Variants in ZNF577 observed in about 807,000 individuals in gnomAD.
ZNF577 encodes zinc finger protein 577.
Under a neutral mutation model 13.9 loss-of-function variants are expected in ZNF577, and 14 were observed. The observed-to-expected ratio is 1.00, with a 90% confidence interval of 0.66 to 1.57. The LOEUF is 1.57. ZNF577 is among the 40% of genes most tolerant of loss of function. ZNF577 has a pLI of 0.00. For missense variants in ZNF577, 555 were observed against 579.2 expected (o/e 0.96, Z 0.43); for synonymous variants, 203 against 202.9 (o/e 1.00, Z 0.00).
At chr19:51,806,664 G>A (rs2084060903) in intron 10 of ZNF577, among the ~76,000 whole-genome samples, 1 of 152,228 alleles carries the variant, frequency 6.6e-6, no homozygotes, top group Non-Finnish European at 1.5e-5. Context: ...TGAAAAGCAT[G>A]ACTAGTATAA....
intron 5 of ZNF577, among the ~76,000 whole-genome samples, chr19:51,856,282 C>G (rs1431114211): frequency 1.3e-5 from 2 of 152,064 alleles, no homozygotes; most frequent in Non-Finnish European, 2.9e-5. Context: ...AATGGTTTAC[C>G]ATGGGTTATA....
chr19:51,826,361 C>T (rs1427464093), intron 9 of ZNF577, among the ~76,000 whole-genome samples: 4 of 152,192 alleles, frequency 2.6e-5, no homozygotes, highest in Admixed American at 6.6e-5. Flanking sequence ...ATTCTATCCT[C>T]GGGTATTATA....
intron 9 of ZNF577, among the ~76,000 whole-genome samples, chr19:51,826,768 CAGG>C (rs2084234270): frequency 6.6e-6 from 1 of 152,094 alleles, no homozygotes. Context: ...GTTTGGTGGG[CAGG>C]AGACTAGGGA....
intron 5 of ZNF577, among the ~76,000 whole-genome samples, chr19:51,847,957 G>A (rs980229004): frequency 2.6e-5 from 4 of 152,248 alleles, no homozygotes; most frequent in East Asian, 1.9e-4. Flanking sequence ...CGCGGATCCC[G>A]GTCCCACCAG....
chr19:51,847,712 A>G (rs988702264), intron 5 of ZNF577, among the ~76,000 whole-genome samples: 1 of 152,148 alleles, frequency 6.6e-6, no homozygotes, highest in Non-Finnish European at 1.5e-5. Context: ...GCAACCCCAG[A>G]TGGTACTCAT....
intron 5 of ZNF577, chr19:51,860,870 CAAAG>C (rs2084490296): frequency 7.8e-6 from 3 of 383,242 alleles, no homozygotes; most frequent in Admixed American, 8.3e-5. Context: ...ACAAGATATT[CAAAG>C]AGTTTTGACT....
At chr19:51,809,146 T>C (rs892847703) in intron 10 of ZNF577, among the ~76,000 whole-genome samples, 21 of 152,264 alleles carry the variant, frequency 1.4e-4, no homozygotes, top group Non-Finnish European at 2.9e-5. Context: ...AAGTTTTCAT[T>C]TGTAAGTCTC....
At chr19:51,806,573 GC>G (rs1281977242) in intron 10 of ZNF577, among the ~76,000 whole-genome samples, 1 of 152,172 alleles carries the variant, frequency 6.6e-6, no homozygotes, top group Non-Finnish European at 1.5e-5. Flanking sequence ...TGTTTGATGT[GC>G]CCATTCTATA....
chr19:51,825,512 G>C (rs1455530650), intron 9 of ZNF577: 1 of 167,090 alleles, frequency 6.0e-6, no homozygotes, highest in Non-Finnish European at 1.5e-5. Context: ...TAGATGAAAG[G>C]AAAGGAGAGA....
Position 51,878,517 on chromosome 19 carries a change from T to C in ZNF577, c.61-2A>G. ...CACATCTTCGAATGACAATGACCCC[T>C]ATAATAACAATTCCAATGCAATCTG... On this transcript the variant is annotated splice_acceptor_variant, in intron 3 of 5. Coordinates refer to ENST00000638348, the MANE Select transcript of ZNF577 (RefSeq NM_001370449.1). LOFTEE classifies it high-confidence loss of function. 6.2e-7 allele frequency: 1 copy of C among 1,613,876 alleles called. No homozygotes were observed. Among genetic ancestry groups the C allele is most frequent in the Non-Finnish European group, 8.5e-7 (1 of 1,179,844 alleles).
intron 10 of ZNF577, among the ~76,000 whole-genome samples, chr19:51,810,801 C>T (rs1224832809): frequency 6.6e-6 from 1 of 152,170 alleles, no homozygotes; most frequent in African/African-American, 2.4e-5. Flanking sequence ...GCTTTTAATT[C>T]CTTCAACAAC....
intron 9 of ZNF577, chr19:51,825,100 T>C (rs933697110): frequency 6.5e-6 from 2 of 306,354 alleles, no homozygotes; most frequent in African/African-American, 4.4e-5. Context: ...AAGTCACAAA[T>C]CCAGGCTTCT....
At chr19:51,846,456 C>T (rs1004241101) in intron 5 of ZNF577, among the ~76,000 whole-genome samples, 2 of 152,038 alleles carry the variant, frequency 1.3e-5, no homozygotes, top group South Asian at 2.1e-4. Flanking sequence ...ACCTGTAATG[C>T]CAACTCTTTG....
intron 9 of ZNF577, among the ~76,000 whole-genome samples, chr19:51,837,905 T>C (rs2084296862): frequency 6.6e-6 from 1 of 152,198 alleles, no homozygotes; most frequent in Admixed American, 6.5e-5. Context: ...TATGACTAAG[T>C]TGCATTTATT....
rs201874318 is a variant in ZNF577 at position 51,835,703 on chromosome 19, C to CT, written c.*599+4189dup. On this transcript the variant is annotated intron_variant and NMD_transcript_variant, in intron 9 of 10. Transcript: ENST00000638827. ...GGCCAGACATAACTGAAATCAGTAT[C>CT]TTTTTTTTTGAGACAGTCTTGCTCT... 2.9e-3 allele frequency among the ~76,000 whole-genome samples: 441 copies of CT among 151,400 alleles called. 3 individuals carry two copies. The highest frequency in any genetic ancestry group is 9.8e-3 in the African/African-American group (405 of 41,318).
chr19:51,886,014 T>G (rs1041219753), intron 1 of ZNF577: 2 of 152,090 alleles, frequency 1.3e-5, no homozygotes, highest in African/African-American at 4.8e-5. Flanking sequence ...ACAAAAATAT[T>G]AAGCAAAAGA....
Position 51,824,512 on chromosome 19 carries a change from T to C in ZNF577, c.*600-12838A>G, listed in dbSNP as rs1441916312. ...GTGGCTTCTTTCTTCATCTGTTGGT[T>C]CCCTTATGAACTAATTGGCATTCTA... On this transcript the variant is annotated intron_variant and NMD_transcript_variant, in intron 9 of 10. Transcript: ENST00000638827. The surrounding 1 kb of genome is among the most constrained non-coding windows in gnomAD (Gnocchi z 4.7). The C allele has an allele frequency of 1.2e-6, 2 of 1,614,066 alleles. No homozygotes were observed. Among genetic ancestry groups the C allele is most frequent in the South Asian group, 2.2e-5 (2 of 91,076 alleles).
intron 5 of ZNF577, among the ~76,000 whole-genome samples, chr19:51,857,765 C>T (rs1599857486): frequency 7.4e-6 from 1 of 135,694 alleles, no homozygotes; most frequent in East Asian, 1.9e-4. Flanking sequence ...TGTACACATA[C>T]ACACACACAC....
chr19:51,848,180 A>G (rs1476756432), intron 5 of ZNF577, among the ~76,000 whole-genome samples: 1 of 152,182 alleles, frequency 6.6e-6, no homozygotes, highest in African/African-American at 2.4e-5. Flanking sequence ...AGCGTAGGGC[A>G]TGCTTAGTAG....
Sources: gnomAD v4.1 joint callset for allele counts (sites outside exome capture counted in the v4.1 genomes callset) on GRCh38, gnomAD v4.1.1 for gene constraint, Gnocchi (gnomAD v3.1) non-coding constraint, MANE v1.5 for transcripts, NCBI Gene and HGNC (gene_info 2026-07-23, HGNC 2026-07-21) for gene names.